Variants in PFN2 observed in about 807,000 individuals in gnomAD.
PFN2 encodes profilin 2.
PFN2 carries 8 observed loss-of-function variants against 15.3 expected under a neutral mutation model. The observed-to-expected ratio is 0.52, with a 90% CI of 0.31 to 0.95. The LOEUF is 0.95. Ranked by LOEUF, PFN2 falls within the 40% of genes least tolerant of loss-of-function variation. The pLI is 0.05. For synonymous variants in PFN2, 79 were observed against 67.9 expected (o/e 1.16, Z -0.81); for missense variants, 111 against 182.3 (o/e 0.61, Z 2.25).
Position 149,965,778 on chromosome 3 carries a change from A to G in PFN2, c.*711T>C, listed in dbSNP as rs559218042. 2.6e-5 allele frequency: 28 copies of G among 1,057,700 alleles called. No individual in the cohort carries two copies. The African/African-American group carries it at 4.4e-4, about 16-fold the overall frequency. The allele number at this position is 1,057,700 out of a possible 1,614,324, so 65.5% of individuals were successfully genotyped here. ...CTTTTTCCTCCCAACCATGCGCTAC[A>G]AAAGGAAGACTAAATGAGCCAAGTA... On this transcript the variant is annotated 3_prime_UTR_variant, in exon 3 of 3. Transcript: ENST00000239940.
intron 2 of PFN2, 24 bp from the exon 3 acceptor site, chr3:149,966,610 T>C (rs758053465): frequency 6.4e-7 from 1 of 1,551,100 alleles, no homozygotes; most frequent in Non-Finnish European, 8.9e-7. Context: ...AAGAAAAGTG[T>C]TTCAAAAGAA....
In PFN2 at chr3:149,965,821, A is replaced by G. The variant is rs1372274049; in HGVS notation, c.*668T>C. On this transcript the variant is annotated 3_prime_UTR_variant, in exon 3 of 3. Transcript: ENST00000239940. ...GCCAAGTAAATGCTCAAAGTGCTGA[A>G]AAGACACTGATCAGAGATTGTACAA... The G allele has an allele frequency of 9.1e-7, 1 of 1,098,410 alleles. No homozygotes were observed. Among genetic ancestry groups the G allele is most frequent in the Non-Finnish European group, 1.1e-6 (1 of 901,684 alleles). The allele number at this position is 1,098,410 out of a possible 1,614,324, so 68.0% of individuals were successfully genotyped here. A position where few individuals can be genotyped will look rare whatever the true frequency, so the allele number is the denominator to read the frequency against.
chr3:149,965,150 T>C lies in PFN2; in HGVS notation c.*1339A>G, dbSNP rs1722647684. 8.2e-7 allele frequency: 1 copy of C among 1,221,866 alleles called. No homozygotes were observed. The highest frequency in any genetic ancestry group is 1.1e-6 in the Non-Finnish European group (1 of 893,352). 75.7% of individuals were successfully genotyped at this position (1,221,866 alleles called of 1,614,324 possible). A position where few individuals can be genotyped will look rare whatever the true frequency, so the allele number is the denominator to read the frequency against. The stretch of plus-strand genomic sequence containing the variant: ...AGTGCCATTCGAAAGAAACCCTTAA[T>C]AGGTCAGTTAAAATCCATCTCACAA... On this transcript the variant is annotated 3_prime_UTR_variant, in exon 3 of 3. Coordinates refer to ENST00000239940, the MANE Select transcript of PFN2 (RefSeq NM_053024.4).
chr3:149,968,209 T>C (rs192420094), intron 2 of PFN2, 149 bp downstream of exon 2: 7 of 656,196 alleles, frequency 1.1e-5, no homozygotes, highest in Admixed American at 7.7e-5. Context: ...TAGGTAAAAC[T>C]AAAGCAGTGC....
intron 1 of PFN2, among the ~76,000 whole-genome samples, chr3:149,970,149 T>C (rs942567901): frequency 6.6e-6 from 1 of 151,734 alleles, no homozygotes; most frequent in Non-Finnish European, 1.5e-5. Context: ...CCCAGAGGCC[T>C]GGACATCGGT....
chr3:149,968,692 C>A, intron 1 of PFN2, 142 bp from the exon 2 acceptor site: 1 of 640,598 alleles, frequency 1.6e-6, no homozygotes, highest in Non-Finnish European at 2.7e-6. Context: ...TAATGTAAAA[C>A]CAAGATTCAG....
intron 1 of PFN2, chr3:149,970,463 A>T (rs895524479): frequency 3.9e-5 from 11 of 284,694 alleles, no homozygotes; most frequent in Admixed American, 1.1e-4. Flanking sequence ...ACCTGGACCG[A>T]CGCTGGGAAC....
At position 149,965,840 on chromosome 3, in the gene PFN2, T is replaced by C. The variant is rs1722674250; in HGVS notation, c.*649A>G. 2.7e-6 allele frequency: 3 copies of C among 1,129,034 alleles called. No homozygotes were observed. The highest frequency in any genetic ancestry group is 3.3e-6 in the Non-Finnish European group (3 of 920,586). The allele number at this position is 1,129,034 out of a possible 1,614,324, so 69.9% of individuals were successfully genotyped here. ...TGCTGAAAAGACACTGATCAGAGAT[T>C]GTACAACCGGCACCTTGCTTAATAT... is the stretch of plus-strand genomic sequence containing the variant. On this transcript the variant is annotated 3_prime_UTR_variant, in exon 3 of 3. Coordinates refer to ENST00000239940, the MANE Select transcript of PFN2 (RefSeq NM_053024.4).
At position 149,966,059 on chromosome 3, in the gene PFN2, T is replaced by G. The variant is rs898135833; in HGVS notation, c.*430A>C. On this transcript the variant is annotated 3_prime_UTR_variant, in exon 3 of 3. Transcript: ENST00000239940. The stretch of plus-strand genomic sequence containing the variant: ...ATTGGGCAAACAGGAATCATGACAT[T>G]AGAAAATAGGTAAAGAAAAATTAGC... 1 of 1,520,666 alleles carries G rather than the reference T, an allele frequency of 6.6e-7. No homozygotes were observed. Among genetic ancestry groups the G allele is most frequent in the Non-Finnish European group, 8.8e-7 (1 of 1,137,724 alleles). 94.2% of individuals were successfully genotyped at this position (1,520,666 alleles called of 1,614,324 possible). A position where few individuals can be genotyped will look rare whatever the true frequency, so the allele number is the denominator to read the frequency against.
chr3:149,967,745 T>C (rs1331309973), intron 2 of PFN2, among the ~76,000 whole-genome samples: 1 of 152,244 alleles, frequency 6.6e-6, no homozygotes, highest in Admixed American at 6.5e-5. Flanking sequence ...GACAACAGTC[T>C]GGAGACACCT....
At position 149,965,938 on chromosome 3, in the gene PFN2, C is replaced by T. The variant is rs1576617989; in HGVS notation, c.*551G>A. 2 of 1,323,764 alleles carry T rather than the reference C, an allele frequency of 1.5e-6. No individual in the cohort carries two copies. Among genetic ancestry groups the T allele is most frequent in the East Asian group, 6.0e-5 (2 of 33,404 alleles). The allele number at this position is 1,323,764 out of a possible 1,614,324, so 82.0% of individuals were successfully genotyped here. On this transcript the variant is annotated 3_prime_UTR_variant, in exon 3 of 3. Coordinates refer to ENST00000239940, the MANE Select transcript of PFN2 (RefSeq NM_053024.4). ...ATGCCCAACTTGGCATGCCCCCTCC[C>T]CCCAATTTCAAGGTATCATGCAAAT...
In PFN2 at chr3:149,966,221, T is replaced by G; in HGVS notation, c.*268A>C. The G allele has an allele frequency of 1.2e-6, 2 of 1,613,760 alleles. No homozygotes were observed. The highest frequency in any genetic ancestry group is 2.2e-5 in the South Asian group (2 of 91,072). On this transcript the variant is annotated 3_prime_UTR_variant, in exon 3 of 3. Transcript: ENST00000239940. ...CGAGTTCATATGCTTTCTTGTTAAG[T>G]GTGCCTCCGTGGACACCTTCCTTTC...
intron 1 of PFN2, chr3:149,970,467 T>G (rs1161687226): frequency 6.9e-6 from 2 of 288,498 alleles, no homozygotes; most frequent in Non-Finnish European, 1.3e-5. Flanking sequence ...GGACCGACGC[T>G]GGGAACGCCG....
At position 149,965,252 on chromosome 3, in the gene PFN2, CAAT is replaced by C; in HGVS notation, c.*1234_*1236del. On this transcript the variant is annotated 3_prime_UTR_variant, in exon 3 of 3. Transcript: ENST00000239940. ...ATTCATCACAAGACAGCCAAGTCCACAATAATGCAACTTCATATAAAAACTCAA... is the reference window on the plus strand; with the variant it reads ...ATTCATCACAAGACAGCCAAGTCCACAATGCAACTTCATATAAAAACTCAA... 1.3e-6 allele frequency: 2 copies of C among 1,534,926 alleles called. No individual in the cohort carries two copies. Among genetic ancestry groups the C allele is most frequent in the Non-Finnish European group, 1.7e-6 (2 of 1,146,422 alleles).
intron 1 of PFN2, chr3:149,970,419 C>CAGGCCGG (rs1330220855): frequency 3.4e-5 from 8 of 238,766 alleles, no homozygotes; most frequent in Non-Finnish European, 6.4e-5. Flanking sequence ...TCCCCTTGCC[C>CAGGCCGG]TGGCCGGTGC....
chr3:149,967,178 T>TA (rs1489824898), intron 2 of PFN2, among the ~76,000 whole-genome samples: 2 of 152,152 alleles, frequency 1.3e-5, no homozygotes, highest in African/African-American at 2.4e-5. Context: ...TAATTGCGTC[T>TA]AAAAAAATAG....
chr3:149,969,904 G>A (rs1261553410), intron 1 of PFN2, among the ~76,000 whole-genome samples: 1 of 152,170 alleles, frequency 6.6e-6, no homozygotes, highest in South Asian at 2.1e-4. Flanking sequence ...GAGAAGTGAA[G>A]TGTGCTCCTG....
At chr3:149,967,195 G>A (rs971418865) in intron 2 of PFN2, among the ~76,000 whole-genome samples, 6 of 152,048 alleles carry the variant, frequency 3.9e-5, no homozygotes, top group African/African-American at 1.2e-4. Context: ...ATAGGTTTAC[G>A]ATTTCTAATT....
At chr3:149,969,167 A>T (rs1722773515) in intron 1 of PFN2, among the ~76,000 whole-genome samples, 1 of 152,022 alleles carries the variant, frequency 6.6e-6, no homozygotes, top group South Asian at 2.1e-4. Flanking sequence ...TTTCTTTCCA[A>T]CTTCCCTTCC....
Sources: gnomAD v4.1 joint callset for allele counts (sites outside exome capture counted in the v4.1 genomes callset) on GRCh38, gnomAD v4.1.1 for gene constraint, MANE v1.5 for transcripts, NCBI Gene and HGNC (gene_info 2026-07-23, HGNC 2026-07-21) for gene names.